The following MATCAP2 variants were observed in gnomAD, a reference collection of about 807,000 sequenced individuals.
MATCAP2 encodes putative tyrosine carboxypeptidase MATCAP2.
the MATCAP2 span, among the ~76,000 whole-genome samples, chr7:36,328,544 G>C: frequency 8.6e-5 from 13 of 151,910 alleles, no homozygotes; most frequent in African/African-American, 2.9e-4. Flanking sequence ...AGGAGTTCGA[G>C]ACTAGCCTGG....
chr7:36,337,090 C>G, the MATCAP2 span, among the ~76,000 whole-genome samples: 1 of 8,400 alleles, frequency 1.2e-4, no homozygotes, highest in Non-Finnish European at 2.8e-4. Context: ...AGGAGTGAAA[C>G]TCCATCTCAA....
At chr7:36,366,796 G>A in the MATCAP2 span, 1 of 1,533,272 alleles carries the variant, frequency 6.5e-7, no homozygotes, top group Non-Finnish European at 8.7e-7. Flanking sequence ...AAGGGGTCGG[G>A]GCGCAGGGTG....
the MATCAP2 span, among the ~76,000 whole-genome samples, chr7:36,387,513 G>A: frequency 6.6e-6 from 1 of 152,214 alleles, no homozygotes; most frequent in Non-Finnish European, 1.5e-5. Flanking sequence ...ACTACCGGGG[G>A]TTAAGAATGA....
chr7:36,372,974 G>A, the MATCAP2 span, among the ~76,000 whole-genome samples: 1 of 151,990 alleles, frequency 6.6e-6, no homozygotes, highest in East Asian at 1.9e-4. Flanking sequence ...GTGTGGTGGT[G>A]CATGCCTGTA....
At chr7:36,374,448 G>A in the MATCAP2 span, among the ~76,000 whole-genome samples, 8 of 152,124 alleles carry the variant, frequency 5.3e-5, no homozygotes, top group African/African-American at 1.2e-4. Context: ...CCTTGGCATC[G>A]CTGAGGAGAT....
chr7:36,331,674 G>GA, the MATCAP2 span, among the ~76,000 whole-genome samples: 42 of 152,158 alleles, frequency 2.8e-4, 1 homozygote, highest in South Asian at 2.3e-3. Flanking sequence ...TTAAAAAATA[G>GA]AAAAAAATGG....
the MATCAP2 span, chr7:36,366,892 C>T: frequency 6.8e-7 from 1 of 1,471,440 alleles, no homozygotes; most frequent in Admixed American, 2.6e-5. Flanking sequence ...ACCCCCGCCG[C>T]GGCCAGCCCT....
the MATCAP2 span, among the ~76,000 whole-genome samples, chr7:36,328,242 G>GGGGA: frequency 2.0e-5 from 2 of 101,476 alleles, no homozygotes; most frequent in Non-Finnish European, 2.3e-5. Flanking sequence ...GTTTTTGTAG[G>GGGGA]GGGGGGGGGT....
chr7:36,325,885 T>C, the MATCAP2 span: 1 of 151,992 alleles, frequency 6.6e-6, no homozygotes, highest in Non-Finnish European at 1.5e-5. Flanking sequence ...CTGCAGGTGC[T>C]ACCCATCAAC....
chr7:36,355,784 CTAATA>C, the MATCAP2 span: 26,527 of 152,036 alleles, frequency 0.17, 2,499 homozygotes, highest in East Asian at 0.41. Flanking sequence ...CAAGTTGAAG[CTAATA>C]TATTATAAAA....
the MATCAP2 span, chr7:36,366,877 C>A: frequency 6.8e-7 from 1 of 1,474,822 alleles, no homozygotes; most frequent in Admixed American, 2.6e-5. Flanking sequence ...CCCGGTCCGC[C>A]CCGCACCCCC....
At chr7:36,383,345 T>C in the MATCAP2 span, among the ~76,000 whole-genome samples, 3,129 of 152,314 alleles carry the variant, frequency 0.021, 51 homozygotes, top group Middle Eastern at 0.051. Context: ...ATCATTCTAC[T>C]ATAAAGACAC....
chr7:36,389,242 T>C, the MATCAP2 span, among the ~76,000 whole-genome samples: 2 of 152,160 alleles, frequency 1.3e-5, no homozygotes, highest in African/African-American at 2.4e-5. Flanking sequence ...TTTGTATTTT[T>C]AGTAGAGACG....
the MATCAP2 span, among the ~76,000 whole-genome samples, chr7:36,349,441 A>G: frequency 6.6e-6 from 1 of 152,226 alleles, no homozygotes; most frequent in East Asian, 1.9e-4. Context: ...AATACATCTC[A>G]GACACTGACT....
At chr7:36,351,941 T>TAAA in the MATCAP2 span, among the ~76,000 whole-genome samples, 3,460 of 115,152 alleles carry the variant, frequency 0.03, 160 homozygotes, top group East Asian at 0.2. Flanking sequence ...GGGAGATTGT[T>TAAA]AAAAAAAAAA....
chr7:36,390,248 A>C, the MATCAP2 span: 1 of 761,038 alleles, frequency 1.3e-6, no homozygotes, highest in Non-Finnish European at 2.1e-6. Flanking sequence ...TCGGTCCTAC[A>C]GATAAAACTC....
the MATCAP2 span, among the ~76,000 whole-genome samples, chr7:36,380,266 A>C: frequency 2.0e-5 from 3 of 152,212 alleles, no homozygotes; most frequent in Non-Finnish European, 4.4e-5. Flanking sequence ...CTTGGCACTG[A>C]ACACTAAGCA....
the MATCAP2 span, among the ~76,000 whole-genome samples, chr7:36,337,274 G>A: frequency 6.6e-6 from 1 of 151,848 alleles, no homozygotes; most frequent in African/African-American, 2.4e-5. Context: ...TGCAGCAAAG[G>A]AATAAGAAAG....
the MATCAP2 span, among the ~76,000 whole-genome samples, chr7:36,363,556 T>C: frequency 5.3e-5 from 8 of 152,234 alleles, no homozygotes; most frequent in African/African-American, 1.4e-4. Context: ...CACACTGATA[T>C]TACATGAAAT....
Sources: gnomAD v4.1 joint callset for allele counts (sites outside exome capture counted in the v4.1 genomes callset) on GRCh38, gnomAD v4.1.1 for gene constraint, MANE v1.5 for transcripts, NCBI Gene and HGNC (gene_info 2026-07-23, HGNC 2026-07-21) for gene names.